ZFAND3: variants seen among roughly 807,000 people sequenced by gnomAD.
The protein encoded by ZFAND3 is zinc finger AN1-type containing 3.
Under a neutral mutation model 29.6 loss-of-function variants are expected in ZFAND3, and 10 were observed. The observed-to-expected ratio is 0.34, with a 90% CI of 0.21 to 0.57. ZFAND3 has a LOEUF of 0.57. ZFAND3 is among the 20% of genes least tolerant of loss of function. The probability of loss-of-function intolerance (pLI) is 0.86; values close to 1 mark genes in which losing one functional copy is unlikely to be tolerated. For synonymous variants in ZFAND3, 128 were observed against 112.6 expected (o/e 1.14, Z -0.87); for missense variants, 230 against 304.5 (o/e 0.76, Z 1.82).
intron 4 of ZFAND3, among the ~76,000 whole-genome samples, chr6:38,113,193 G>T (rs1693451182): frequency 6.6e-6 from 1 of 152,136 alleles, no homozygotes; most frequent in Non-Finnish European, 1.5e-5. Flanking sequence ...CATTTCTTCT[G>T]CCTTGCTTTA....
intron 2 of ZFAND3, among the ~76,000 whole-genome samples, chr6:38,006,325 G>C (rs1763047718): frequency 6.6e-6 from 1 of 152,160 alleles, no homozygotes; most frequent in South Asian, 2.1e-4. Flanking sequence ...ATTTGGGATA[G>C]TGAGAAATTT....
intron 1 of ZFAND3, among the ~76,000 whole-genome samples, chr6:37,827,607 AC>A (rs1763783816): frequency 6.6e-6 from 1 of 152,210 alleles, no homozygotes; most frequent in South Asian, 2.1e-4. Flanking sequence ...AGTGGACAAA[AC>A]CAAACTGATC....
At chr6:37,951,803 CTGT>C (rs974100673) in intron 2 of ZFAND3, among the ~76,000 whole-genome samples, 7 of 151,950 alleles carry the variant, frequency 4.6e-5, no homozygotes, top group African/African-American at 1.7e-4. Flanking sequence ...TAGTTTTTGC[CTGT>C]TTAGTATGAT....
chr6:37,820,675 A>C (rs544232017), intron 1 of ZFAND3, among the ~76,000 whole-genome samples: 46 of 152,212 alleles, frequency 3.0e-4, no homozygotes, highest in Non-Finnish European at 5.9e-4. Context: ...AAAAAACCAC[A>C]CAAAACCTGA....
chr6:38,076,333 T>C (rs1289045495), intron 3 of ZFAND3, among the ~76,000 whole-genome samples: 2 of 152,174 alleles, frequency 1.3e-5, no homozygotes, highest in Non-Finnish European at 1.5e-5. Context: ...GCCAAAAAAT[T>C]TGTGCAACTC....
rs180788858 is a variant in ZFAND3 at position 38,134,739 on chromosome 6, C to G, written c.530-17496C>G. On this transcript the variant is annotated intron_variant, in intron 5 of 5. Transcript: ENST00000287218. ...GTCCTGATAAGACCACATGACAGCC[C>G]TTACTCCTCAGCTGCTGGGGCCTGG... Among the ~76,000 whole-genome samples, 103 of 152,302 alleles carry G rather than the reference C, an allele frequency of 6.8e-4. 1 individual carries two copies. The highest frequency in any genetic ancestry group is 5.6e-3 in the East Asian group (29 of 5,180).
At chr6:37,928,902 T>G (rs892057970) in intron 1 of ZFAND3, among the ~76,000 whole-genome samples, 1 of 152,156 alleles carries the variant, frequency 6.6e-6, no homozygotes, top group Non-Finnish European at 1.5e-5. Context: ...GGATGTTGGG[T>G]TGGCCTTTGG....
intron 1 of ZFAND3, among the ~76,000 whole-genome samples, chr6:37,891,513 C>T (rs1173506240): frequency 6.7e-6 from 1 of 148,676 alleles, no homozygotes; most frequent in Non-Finnish European, 1.5e-5. Context: ...GCAGGAGAAT[C>T]ACTTGAACCT....
At chr6:37,980,984 G>A (rs1762569143) in intron 2 of ZFAND3, among the ~76,000 whole-genome samples, 1 of 152,128 alleles carries the variant, frequency 6.6e-6, no homozygotes, top group Non-Finnish European at 1.5e-5. Context: ...CTTTCTATTT[G>A]TTCTTGTGCA....
At chr6:37,833,184 G>C (rs979452181) in intron 1 of ZFAND3, 7 of 152,282 alleles carry the variant, frequency 4.6e-5, no homozygotes, top group African/African-American at 1.7e-4. Flanking sequence ...GTGACTACAG[G>C]CATGCTACCA....
intron 4 of ZFAND3, among the ~76,000 whole-genome samples, chr6:38,087,412 T>C (rs529583807): frequency 2.6e-5 from 4 of 152,224 alleles, no homozygotes; most frequent in Non-Finnish European, 5.9e-5. Context: ...ACCCAGAGAA[T>C]GGGAGAAAAT....
chr6:37,992,912 A>C (rs180746425), intron 2 of ZFAND3, among the ~76,000 whole-genome samples: 1 of 152,206 alleles, frequency 6.6e-6, no homozygotes, highest in African/African-American at 2.4e-5. Context: ...CATTCATCTA[A>C]TTGGTTTCCT....
At chr6:38,043,550 C>T (rs1273695641) in intron 2 of ZFAND3, among the ~76,000 whole-genome samples, 1 of 149,930 alleles carries the variant, frequency 6.7e-6, no homozygotes, top group Non-Finnish European at 1.5e-5. Flanking sequence ...CTTTTCTCCC[C>T]TCTTCCTCCT....
At chr6:37,869,971 G>C (rs569737113) in intron 1 of ZFAND3, among the ~76,000 whole-genome samples, 25 of 151,988 alleles carry the variant, frequency 1.6e-4, no homozygotes, top group Non-Finnish European at 3.2e-4. Context: ...CAGAATCTTG[G>C]GAGATTTTAT....
intron 1 of ZFAND3, among the ~76,000 whole-genome samples, chr6:37,880,872 GA>G (rs1764879905): frequency 9.4e-6 from 1 of 106,496 alleles, no homozygotes; most frequent in Non-Finnish European, 1.8e-5. Flanking sequence ...GGGGTCGGGG[GA>G]GGGGGGAGGG....
At chr6:37,941,002 A>G (rs778568647) in intron 2 of ZFAND3, among the ~76,000 whole-genome samples, 2 of 152,342 alleles carry the variant, frequency 1.3e-5, no homozygotes, top group East Asian at 1.9e-4. Context: ...AATAATTGCA[A>G]TTGTAACTAA....
chr6:37,958,738 C>T (rs1029042942), intron 2 of ZFAND3, among the ~76,000 whole-genome samples: 1 of 151,968 alleles, frequency 6.6e-6, no homozygotes, highest in African/African-American at 2.4e-5. Context: ...AGGACCGCCC[C>T]CCCCTTCCCC....
intron 1 of ZFAND3, among the ~76,000 whole-genome samples, chr6:37,841,189 C>T (rs750747257): frequency 1.3e-5 from 2 of 152,014 alleles, no homozygotes; most frequent in East Asian, 3.9e-4. Flanking sequence ...GAAGGGTTTC[C>T]GAATAAGTTT....
At chr6:37,884,828 C>G (rs1764961197) in intron 1 of ZFAND3, among the ~76,000 whole-genome samples, 1 of 152,170 alleles carries the variant, frequency 6.6e-6, no homozygotes. Flanking sequence ...GAACATTTAT[C>G]ATACTTCAGT....
Sources: gnomAD v4.1 joint callset for allele counts (sites outside exome capture counted in the v4.1 genomes callset) on GRCh38, gnomAD v4.1.1 for gene constraint, MANE v1.5 for transcripts, NCBI Gene and HGNC (gene_info 2026-07-23, HGNC 2026-07-21) for gene names.